RASGRP3: variants seen among roughly 807,000 people sequenced by gnomAD.
RASGRP3 encodes RAS guanyl releasing protein 3, also known as ras guanyl-releasing protein 3.
RASGRP3 carries 54 observed loss-of-function variants against 82.7 expected under a neutral mutation model. The observed-to-expected ratio is 0.65, with a 90% confidence interval of 0.52 to 0.82. The LOEUF (loss-of-function observed/expected upper bound fraction) is 0.82. Among genes scored for constraint, RASGRP3 ranks in the 40% least tolerant of loss-of-function variants. The pLI is 0.00. For missense variants in RASGRP3, 861 were observed against 828.9 expected (o/e 1.04, Z -0.48); for synonymous variants, 309 against 300.5 (o/e 1.03, Z -0.29).
Position 33,558,667 on chromosome 2 carries a change from TCCAGCG to T in RASGRP3, c.1706-3_1708del, listed in dbSNP as rs1228827769. The T allele has an allele frequency of 6.3e-7, 1 of 1,584,856 alleles. No individual in the cohort carries two copies. Among genetic ancestry groups the T allele is most frequent in the Non-Finnish European group, 8.6e-7 (1 of 1,166,424 alleles). On this transcript the variant is annotated splice_acceptor_variant and splice_polypyrimidine_tract_variant and coding_sequence_variant and intron_variant, in exon 17 of 18. Transcript: ENST00000403687. LOFTEE classifies it high-confidence loss of function. ...CAAATAATCACCACCCTTTTTCACT[TCCAGCG>T]CAGGATGAGGTGTTTGAGTTCCCTG...
At chr2:33,530,491 C>A (rs1268123662) in intron 10 of RASGRP3, among the ~76,000 whole-genome samples, 1 of 147,920 alleles carries the variant, frequency 6.8e-6, no homozygotes, top group Non-Finnish European at 1.5e-5. Context: ...TCACCCCTGC[C>A]CCTTCCTTTT....
chr2:33,456,197 C>G (rs1666026086), intron 2 of RASGRP3, among the ~76,000 whole-genome samples: 1 of 152,130 alleles, frequency 6.6e-6, no homozygotes, highest in Admixed American at 6.5e-5. Flanking sequence ...TCTTACTACA[C>G]ACATATAGCC....
At position 33,542,382 on chromosome 2, in the gene RASGRP3, C is replaced by G. The variant is rs146014053; in HGVS notation, c.1279-1130C>G. ...AAAGGGCATGTTCCCCCTCATTACTCTTCATTTAAAATAATTTTTAGCCTG... is the reference window on the plus strand; with the variant it reads ...AAAGGGCATGTTCCCCCTCATTACTGTTCATTTAAAATAATTTTTAGCCTG... On this transcript the variant is annotated intron_variant, in intron 12 of 17. Transcript: ENST00000403687. Among the ~76,000 whole-genome samples, 273 of 146,822 alleles carry G rather than the reference C, an allele frequency of 1.9e-3. 9 individuals carry two copies. The highest frequency in any genetic ancestry group is 6.5e-3 in the African/African-American group (266 of 41,164).
chr2:33,444,293 G>T (rs1219425960), intron 1 of RASGRP3, among the ~76,000 whole-genome samples: 1 of 152,164 alleles, frequency 6.6e-6, no homozygotes, highest in South Asian at 2.1e-4. Flanking sequence ...ATGGGCAACA[G>T]CAAGACCCTT....
intron 1 of RASGRP3, among the ~76,000 whole-genome samples, chr2:33,495,202 C>A (rs1008044749): frequency 6.6e-6 from 1 of 152,184 alleles, no homozygotes; most frequent in East Asian, 1.9e-4. Context: ...AGCAGCAATC[C>A]CTAACACTTT....
intron 1 of RASGRP3, among the ~76,000 whole-genome samples, chr2:33,499,246 A>G (rs1004076520): frequency 6.6e-6 from 1 of 151,952 alleles, no homozygotes; most frequent in Non-Finnish European, 1.5e-5. Context: ...CCAGACACCT[A>G]ATCCTCACTC....
At chr2:33,470,609 G>C (rs1667001202) in intron 2 of RASGRP3, among the ~76,000 whole-genome samples, 1 of 152,022 alleles carries the variant, frequency 6.6e-6, no homozygotes, top group African/African-American at 2.4e-5. Flanking sequence ...TCGATCTCCT[G>C]ACCTTGTGAT....
chr2:33,559,526 G>C, intron 17 of RASGRP3: 1 of 484,322 alleles, frequency 2.1e-6, no homozygotes. Flanking sequence ...GGCCCTTGAG[G>C]ATCTCTAAAC....
chr2:33,490,823 A>T (rs905875623), intron 1 of RASGRP3, among the ~76,000 whole-genome samples: 2 of 152,242 alleles, frequency 1.3e-5, no homozygotes, highest in Non-Finnish European at 1.5e-5. Context: ...CAAGATCCAC[A>T]CATAGAGTTT....
chr2:33,537,515 C>T (rs1673772662), intron 11 of RASGRP3, among the ~76,000 whole-genome samples: 1 of 151,942 alleles, frequency 6.6e-6, no homozygotes, highest in African/African-American at 2.4e-5. Context: ...TGTGCCACCA[C>T]ATCCGGCTAA....
chr2:33,558,746 G>A lies in RASGRP3; in HGVS notation c.1780G>A (p.Val594Ile), dbSNP rs1558529353. Residue 594 changes from valine to isoleucine, a missense_variant, in exon 17 of 18, where the codon GTT (valine) becomes ATT (isoleucine). Transcript: ENST00000403687. ...TTTAGACAGCAGAGCCATCACACTG[G>A]TTACAGGCTCTTCTCGCAAGATCTC... ...RDLDSRAITL[V>I]TGSSRKISVR... 8.1e-6 allele frequency: 13 copies of A among 1,613,928 alleles called. No individual in the cohort carries two copies. The highest frequency in any genetic ancestry group is 1.1e-5 in the Non-Finnish European group (13 of 1,179,892).
intron 1 of RASGRP3, among the ~76,000 whole-genome samples, chr2:33,494,021 G>C (rs1203665336): frequency 6.6e-6 from 1 of 152,160 alleles, no homozygotes; most frequent in Non-Finnish European, 1.5e-5. Flanking sequence ...CCCAGTATGA[G>C]TCTGGATTCT....
intron 2 of RASGRP3, among the ~76,000 whole-genome samples, chr2:33,448,367 G>A (rs557920488): frequency 2.6e-5 from 4 of 152,044 alleles, no homozygotes; most frequent in Non-Finnish European, 5.9e-5. Context: ...GTTCATAGCA[G>A]CATTATTTAT....
chr2:33,480,948 T>G (rs1360117592), intron 1 of RASGRP3, among the ~76,000 whole-genome samples: 1 of 152,206 alleles, frequency 6.6e-6, no homozygotes, highest in Non-Finnish European at 1.5e-5. Context: ...TGCATTTATA[T>G]ATGCCGGCAT....
intron 1 of RASGRP3, among the ~76,000 whole-genome samples, chr2:33,439,793 A>G (rs529401915): frequency 6.6e-6 from 1 of 152,148 alleles, no homozygotes; most frequent in African/African-American, 2.4e-5. Context: ...TTAATGGTGA[A>G]CTAAGGAGTC....
intron 10 of RASGRP3, chr2:33,532,084 A>G (rs1673153275): frequency 6.6e-6 from 1 of 152,234 alleles, no homozygotes; most frequent in Admixed American, 6.5e-5. Flanking sequence ...GCCCACTTTC[A>G]TGAGGCTTAG....
In RASGRP3 at chr2:33,556,231, C is replaced by CTT. The variant is rs573022728; in HGVS notation, c.1579+690_1579+691dup. Among the ~76,000 whole-genome samples, 108 of 57,498 alleles carry CTT rather than the reference C, an allele frequency of 1.9e-3. 25 individuals are homozygous for CTT. The highest frequency in any genetic ancestry group is 5.2e-3 in the African/African-American group (48 of 9,308). 37.7% of individuals were successfully genotyped at this position (57,498 alleles called of 152,430 possible). The stretch of plus-strand genomic sequence containing the variant: ...CAGTTTATATGGTTCTTCTAATAAT[C>CTT]TTTTTTTTTTTTTTTTTTTTTTTTT... On this transcript the variant is annotated intron_variant, in intron 15 of 17. Transcript: ENST00000403687.
intron 2 of RASGRP3, among the ~76,000 whole-genome samples, chr2:33,450,718 T>C (rs982124313): frequency 5.3e-5 from 8 of 151,792 alleles, no homozygotes; most frequent in Non-Finnish European, 1.0e-4. Context: ...TGATTTCATT[T>C]TCTTTGGATA....
At chr2:33,441,549 A>G (rs1404674000) in intron 1 of RASGRP3, among the ~76,000 whole-genome samples, 1 of 152,270 alleles carries the variant, frequency 6.6e-6, no homozygotes, top group African/African-American at 2.4e-5. Flanking sequence ...AAATTCTGGA[A>G]GAAGACTCCA....
Sources: gnomAD v4.1 joint callset for allele counts (sites outside exome capture counted in the v4.1 genomes callset) on GRCh38, gnomAD v4.1.1 for gene constraint, MANE v1.5 for transcripts, NCBI Gene and HGNC (gene_info 2026-07-23, HGNC 2026-07-21) for gene names.